Variants in WWC2 observed in about 807,000 individuals in gnomAD.
WWC2 encodes WW and C2 domain containing 2.
A neutral mutation model predicts 138.5 loss-of-function variants in WWC2; 101 were observed. That is an observed-to-expected ratio of 0.73 (90% CI 0.62 to 0.86). The LOEUF (loss-of-function observed/expected upper bound fraction) is 0.86. WWC2 is among the 40% of genes least tolerant of loss of function. The pLI is 0.00. For missense variants in WWC2, 1,420 were observed against 1,419.4 expected (o/e 1.00, Z -0.01); for synonymous variants, 558 against 538.4 (o/e 1.04, Z -0.50).
At chr4:183,142,001 A>G (rs150001283) in intron 1 of WWC2, among the ~76,000 whole-genome samples, 39 of 152,354 alleles carry the variant, frequency 2.6e-4, no homozygotes, top group South Asian at 1.2e-3. Context: ...CACAATGTCT[A>G]TGTGCTGTGA....
chr4:183,173,423 C>T (rs990123265), intron 1 of WWC2, among the ~76,000 whole-genome samples: 2 of 152,164 alleles, frequency 1.3e-5, no homozygotes, highest in African/African-American at 4.8e-5. Context: ...TTCAATATCT[C>T]TGAAGAAATG....
chr4:183,270,481 A>G (rs1164097198), intron 15 of WWC2, among the ~76,000 whole-genome samples: 3 of 152,028 alleles, frequency 2.0e-5, no homozygotes, highest in South Asian at 4.1e-4. Context: ...AAGTACTATG[A>G]GGCCGGGTGT....
At chr4:183,119,838 T>G (rs1487865945) in intron 1 of WWC2, among the ~76,000 whole-genome samples, 1 of 152,184 alleles carries the variant, frequency 6.6e-6, no homozygotes, top group African/African-American at 2.4e-5. Context: ...CTCTTAGTAC[T>G]ACGTTCATTT....
At chr4:183,133,429 AT>A (rs200724796) in intron 1 of WWC2, among the ~76,000 whole-genome samples, 7 of 150,898 alleles carry the variant, frequency 4.6e-5, no homozygotes, top group South Asian at 2.1e-4. Context: ...AAGTGTTCTG[AT>A]TTTTTTTTGT....
Position 183,317,759 on chromosome 4 carries a change from C to G in WWC2, c.*2030C>G, listed in dbSNP as rs1739488926. 6.6e-6 allele frequency: 1 copy of G among 152,138 alleles called. No individual in the cohort carries two copies. The highest frequency in any genetic ancestry group is 2.4e-5 in the African/African-American group (1 of 41,422). The allele number at this position is 152,138 out of a possible 1,614,324, so 9.4% of individuals were successfully genotyped here. On this transcript the variant is annotated 3_prime_UTR_variant, in exon 23 of 23. Coordinates refer to ENST00000403733, the MANE Select transcript of WWC2 (RefSeq NM_024949.6). Reference sequence around the variant, plus strand: ...TTGGAATATTTACAGCTTTATAAGTCTTTCATCAGATTAGCTGTTGACTTT... The same window carrying G: ...TTGGAATATTTACAGCTTTATAAGTGTTTCATCAGATTAGCTGTTGACTTT...
chr4:183,136,259 C>T (rs1010567249), intron 1 of WWC2, among the ~76,000 whole-genome samples: 1 of 152,056 alleles, frequency 6.6e-6, no homozygotes, highest in Non-Finnish European at 1.5e-5. Context: ...GTTACTTACT[C>T]TATGGTCTAT....
chr4:183,300,860 A>G (rs1279640955), intron 21 of WWC2, among the ~76,000 whole-genome samples: 1 of 152,116 alleles, frequency 6.6e-6, no homozygotes, highest in Non-Finnish European at 1.5e-5. Context: ...AGGGACTGCC[A>G]AAAGACTTCT....
rs116808045 is a variant in WWC2 at position 183,286,758 on chromosome 4, C to T, written c.3141+699C>T. Reference sequence around the variant, plus strand: ...CACCACATGTGCTGAGCTCTGTTGACGGCGAACTCACACCCTCAGGAGTCC... The same window carrying T: ...CACCACATGTGCTGAGCTCTGTTGATGGCGAACTCACACCCTCAGGAGTCC... On this transcript the variant is annotated intron_variant, in intron 20 of 22. Transcript: ENST00000403733. Among the ~76,000 whole-genome samples, 955 of 152,234 alleles carry T rather than the reference C, an allele frequency of 6.3e-3. 10 individuals are homozygous for T. The highest frequency in any genetic ancestry group is 0.02 in the African/African-American group (824 of 41,520).
chr4:183,103,761 A>G lies in WWC2; in HGVS notation c.131+4139A>G, dbSNP rs1056796721. ...CAAGTGATTCTCATGCCTCAGCCTC[A>G]TGAGTAGCTGGGATTACAGGCACCA... On this transcript the variant is annotated intron_variant, in intron 1 of 22. Transcript: ENST00000403733. Among the ~76,000 whole-genome samples the G allele has an allele frequency of 8.1e-5, 11 of 136,594 alleles. No homozygotes were observed. The Admixed American group carries it at 8.3e-4, about 10-fold the overall frequency. 89.6% of individuals were successfully genotyped at this position (136,594 alleles called of 152,430 possible).
At chr4:183,284,186 C>T in intron 18 of WWC2, 40 bp from the exon 19 acceptor site, 1 of 1,602,864 alleles carries the variant, frequency 6.2e-7, no homozygotes, top group Non-Finnish European at 8.5e-7. Flanking sequence ...AATGTTTACA[C>T]ATCTTTCAGC....
intron 2 of WWC2, among the ~76,000 whole-genome samples, chr4:183,198,414 G>C (rs973212779): frequency 1.3e-5 from 2 of 151,682 alleles, no homozygotes; most frequent in Non-Finnish European, 2.9e-5. Flanking sequence ...CATTTTTTGG[G>C]GGTAGAGATG....
intron 1 of WWC2, among the ~76,000 whole-genome samples, chr4:183,100,452 A>G (rs966116368): frequency 2.0e-5 from 3 of 152,226 alleles, no homozygotes; most frequent in Admixed American, 2.0e-4. Flanking sequence ...GAATTATTGT[A>G]AGAATAATAG....
intron 21 of WWC2, among the ~76,000 whole-genome samples, chr4:183,289,887 C>T (rs1407244200): frequency 6.8e-6 from 1 of 147,664 alleles, no homozygotes; most frequent in African/African-American, 2.5e-5. Context: ...AGGGTGAGGG[C>T]GTGGCCAGTG....
At position 183,112,614 on chromosome 4, in the gene WWC2, G is replaced by A. The variant is rs139875410; in HGVS notation, c.131+12992G>A. ...ACTATATGCCTAGCACATACATTTCGGGGACACGGTGTTGAATGAAATAGG... is the reference window on the plus strand; with the variant it reads ...ACTATATGCCTAGCACATACATTTCAGGGACACGGTGTTGAATGAAATAGG... On this transcript the variant is annotated intron_variant, in intron 1 of 22. Coordinates refer to ENST00000403733, the MANE Select transcript of WWC2 (RefSeq NM_024949.6). Among the ~76,000 whole-genome samples the A allele has an allele frequency of 4.0e-3, 610 of 152,248 alleles. 4 individuals carry two copies. Among genetic ancestry groups the A allele is most frequent in the African/African-American group, 0.014 (581 of 41,540 alleles).
intron 4 of WWC2, among the ~76,000 whole-genome samples, chr4:183,233,269 G>T (rs982918894): frequency 7.1e-6 from 1 of 141,658 alleles, no homozygotes; most frequent in Non-Finnish European, 1.5e-5. Context: ...CGATTGTCCT[G>T]CCTCTGCCTC....
At chr4:183,162,467 T>A (rs1433609029) in intron 1 of WWC2, among the ~76,000 whole-genome samples, 2 of 152,200 alleles carry the variant, frequency 1.3e-5, no homozygotes, top group African/African-American at 4.8e-5. Context: ...ATAAACGTTC[T>A]TTGCCTCTTC....
At chr4:183,281,803 C>T (rs567378394) in intron 17 of WWC2, among the ~76,000 whole-genome samples, 1 of 152,190 alleles carries the variant, frequency 6.6e-6, no homozygotes, top group African/African-American at 2.4e-5. Flanking sequence ...CAAATAAATA[C>T]GAGAGTGATT....
intron 4 of WWC2, among the ~76,000 whole-genome samples, chr4:183,212,789 C>T (rs1016026840): frequency 6.6e-6 from 1 of 152,010 alleles, no homozygotes; most frequent in Non-Finnish European, 1.5e-5. Context: ...ACAGGAAATC[C>T]CAAGTGGTCA....
intron 21 of WWC2, among the ~76,000 whole-genome samples, chr4:183,304,645 A>G (rs1314852343): frequency 2.0e-5 from 3 of 152,164 alleles, no homozygotes; most frequent in Non-Finnish European, 4.4e-5. Context: ...ACTCCAGCCC[A>G]TCCTAGATAT....
Sources: gnomAD v4.1 joint callset for allele counts (sites outside exome capture counted in the v4.1 genomes callset) on GRCh38, gnomAD v4.1.1 for gene constraint, MANE v1.5 for transcripts, NCBI Gene and HGNC (gene_info 2026-07-23, HGNC 2026-07-21) for gene names.